GORASP2: variants seen among roughly 807,000 people sequenced by gnomAD.
The protein encoded by GORASP2 is Golgi reassembly-stacking protein 2.
Under a neutral mutation model 45.7 loss-of-function variants are expected in GORASP2, and 22 were observed. The observed-to-expected ratio is 0.48, with a 90% CI of 0.34 to 0.69. The LOEUF is 0.69. GORASP2 is among the 30% of genes least tolerant of loss of function. GORASP2 has a pLI of 0.01. For missense variants in GORASP2, 491 were observed against 562.7 expected (o/e 0.87, Z 1.29); for synonymous variants, 221 against 215.6 (o/e 1.02, Z -0.22).
intron 9 of GORASP2, among the ~76,000 whole-genome samples, chr2:170,963,788 A>G (rs1704626072): frequency 6.6e-6 from 1 of 151,928 alleles, no homozygotes; most frequent in African/African-American, 2.4e-5. Flanking sequence ...GACTACATGC[A>G]CATACCACCA....
chr2:170,949,218 A>G (rs996354388), intron 2 of GORASP2, among the ~76,000 whole-genome samples: 2 of 152,218 alleles, frequency 1.3e-5, no homozygotes, highest in Non-Finnish European at 2.9e-5. Context: ...AGTCATCACA[A>G]CTTCGTTAGT....
intron 1 of GORASP2, among the ~76,000 whole-genome samples, chr2:170,943,655 A>G (rs181736586): frequency 6.6e-6 from 1 of 152,290 alleles, no homozygotes; most frequent in East Asian, 1.9e-4. Context: ...TTCACTGTAT[A>G]TAATCTTTTA....
intron 1 of GORASP2, among the ~76,000 whole-genome samples, chr2:170,939,776 C>A (rs1435250443): frequency 6.6e-6 from 1 of 152,152 alleles, no homozygotes; most frequent in African/African-American, 2.4e-5. Context: ...ACCCTCCTCA[C>A]TAAAAAAAAT....
At chr2:170,954,562 T>C (rs1481820232) in intron 5 of GORASP2, 88 bp from the exon 6 acceptor site, 6 of 1,078,280 alleles carry the variant, frequency 5.6e-6, no homozygotes, top group Non-Finnish European at 6.8e-6. Context: ...ATCTATGCTC[T>C]TGGGTTACCC....
chr2:170,946,680 C>T (rs1342567638), intron 1 of GORASP2, among the ~76,000 whole-genome samples: 1 of 150,952 alleles, frequency 6.6e-6, no homozygotes, highest in Non-Finnish European at 1.5e-5. Flanking sequence ...ACCTGTAATC[C>T]CAACACATTG....
chr2:170,951,569 C>T (rs939514715), intron 5 of GORASP2, 111 bp downstream of exon 5: 24 of 865,408 alleles, frequency 2.8e-5, no homozygotes, highest in Admixed American at 9.6e-5. Context: ...TTTTAAGACT[C>T]CTCTTAAAAA....
chr2:170,930,477 T>C (rs1472015500), intron 1 of GORASP2, among the ~76,000 whole-genome samples: 1 of 152,196 alleles, frequency 6.6e-6, no homozygotes, highest in African/African-American at 2.4e-5. Flanking sequence ...GGTGCTACCT[T>C]CATTTCCTGC....
At chr2:170,947,790 G>A (rs1037849979) in intron 1 of GORASP2, among the ~76,000 whole-genome samples, 2 of 152,130 alleles carry the variant, frequency 1.3e-5, no homozygotes, top group African/African-American at 4.8e-5. Flanking sequence ...GGAGAAAGTG[G>A]TGCAGAAATA....
chr2:170,962,904 C>G lies in GORASP2; in HGVS notation c.976C>G (p.His326Asp). ...PNLNLNLPAP[H>D]IMPGVGLPEL... ...CCTCAACCTCAACCTCCCAGCACCACACATCATGCCAGGGGTTGGCTTACC... is the reference window on the plus strand; with the variant it reads ...CCTCAACCTCAACCTCCCAGCACCAGACATCATGCCAGGGGTTGGCTTACC... The change falls in exon 9 of 10, where the codon CAC (histidine) becomes GAC (aspartate). Residue 326 changes from histidine to aspartate, a missense_variant. Coordinates refer to ENST00000234160, the MANE Select transcript of GORASP2 (RefSeq NM_015530.5). 1 of 1,614,024 alleles carries G rather than the reference C, an allele frequency of 6.2e-7. No homozygotes were observed. The highest frequency in any genetic ancestry group is 1.3e-5 in the African/African-American group (1 of 75,026).
intron 7 of GORASP2, among the ~76,000 whole-genome samples, chr2:170,961,452 C>T (rs1704557823): frequency 6.6e-6 from 1 of 152,198 alleles, no homozygotes; most frequent in Non-Finnish European, 1.5e-5. Context: ...CCTCTTGTCA[C>T]AGGCTCTGGT....
intron 1 of GORASP2, among the ~76,000 whole-genome samples, chr2:170,945,169 A>G (rs143080525): frequency 6.8e-4 from 104 of 152,292 alleles, no homozygotes; most frequent in Non-Finnish European, 1.3e-3. Context: ...CTGAGTATAC[A>G]GAAACTAAAA....
chr2:170,953,676 C>T, intron 5 of GORASP2: 1 of 152,154 alleles, frequency 6.6e-6, no homozygotes, highest in East Asian at 1.9e-4. Flanking sequence ...CTAGCTGTCA[C>T]CATCATAAGC....
chr2:170,948,510 GTATT>G (rs1704227596), intron 2 of GORASP2, 80 bp downstream of exon 2: 2 of 717,908 alleles, frequency 2.8e-6, no homozygotes, highest in South Asian at 3.2e-5. Context: ...CCTGAGATGG[GTATT>G]TATTAGTTAC....
Position 170,954,674 on chromosome 2 carries a change from T to C in GORASP2, c.591T>C (p.Gly197=). The C allele has an allele frequency of 6.2e-7, 1 of 1,613,302 alleles. No homozygotes were observed. Among genetic ancestry groups the C allele is most frequent in the East Asian group, 2.2e-5 (1 of 44,858 alleles). Residue 197 remains glycine, a synonymous_variant, in exon 6 of 10, where the codon GGT becomes GGC. Coordinates refer to ENST00000234160, the MANE Select transcript of GORASP2 (RefSeq NM_015530.5). ...GCCTAGGATGTGGCATTGGATATGG[T>C]TATTTGCATCGAATACCTACACGCC... The part of the protein sequence containing the change: ...EGSLGCGIGY[G]YLHRIPTRPF...
Position 170,966,073 on chromosome 2 carries a change from A to C in GORASP2, c.1302A>C (p.Pro434=), listed in dbSNP as rs762866384. The change falls in exon 10 of 10, where the codon CCA becomes CCC. Residue 434 remains proline (P), a synonymous_variant. Transcript: ENST00000234160. Reference sequence around the variant, plus strand: ...AGGACAGAGTCGGCGACTCCACCCCAGTCAGCGAGAAGCCTGTTTCTGCGG... The same window carrying C: ...AGGACAGAGTCGGCGACTCCACCCCCGTCAGCGAGAAGCCTGTTTCTGCGG... The part of the protein sequence containing the change: ...TVEDRVGDST[P]VSEKPVSAAV... The C allele has an allele frequency of 1.2e-6, 2 of 1,614,084 alleles. No homozygotes were observed. The highest frequency in any genetic ancestry group is 2.2e-5 in the East Asian group (1 of 44,876).
At chr2:170,954,372 G>T in intron 5 of GORASP2, 1 of 312,036 alleles carries the variant, frequency 3.2e-6, no homozygotes, top group South Asian at 6.3e-5. Context: ...GTTGGATGGT[G>T]ATGAATTCTT....
chr2:170,961,331 G>A (rs1363582869), intron 7 of GORASP2, among the ~76,000 whole-genome samples: 1 of 152,218 alleles, frequency 6.6e-6, no homozygotes, highest in African/African-American at 2.4e-5. Context: ...TAGAATCCTT[G>A]TGTCCCATAT....
chr2:170,959,362 T>C (rs1704500061), intron 7 of GORASP2, among the ~76,000 whole-genome samples: 1 of 152,258 alleles, frequency 6.6e-6, no homozygotes, highest in Non-Finnish European at 1.5e-5. Flanking sequence ...GTAGTTATAC[T>C]TGTATTGTCT....
chr2:170,964,635 A>G (rs141512479), intron 9 of GORASP2, among the ~76,000 whole-genome samples: 1,593 of 152,290 alleles, frequency 0.01, 15 homozygotes, highest in Non-Finnish European at 0.018. Context: ...CCTGGGTGAC[A>G]GAATGAGACT....
Sources: allele counts gnomAD v4.1 joint callset (sites outside exome capture counted in the v4.1 genomes callset), GRCh38; gene constraint gnomAD v4.1.1; transcripts MANE v1.5; gene names NCBI Gene and HGNC (gene_info 2026-07-23, HGNC 2026-07-21).